The following DEPDC5 variants were observed in gnomAD, a reference collection of about 807,000 sequenced individuals.
DEPDC5 encodes the protein DEP domain containing 5, GATOR1 subcomplex subunit, also known as GATOR1 complex protein DEPDC5.
In DEPDC5, 73 loss-of-function variants were observed where a neutral mutation model predicts 217.3. That is an observed-to-expected ratio of 0.34 (90% CI 0.28 to 0.41). The LOEUF is 0.41. DEPDC5 is among the 10% of genes least tolerant of loss of function. DEPDC5 has a pLI of 1.00. For synonymous variants in DEPDC5, 733 were observed against 756.7 expected (o/e 0.97, Z 0.51); for missense variants, 1,675 against 2,070.1 (o/e 0.81, Z 3.70).
intron 18 of DEPDC5, among the ~76,000 whole-genome samples, chr22:31,807,701 G>A (rs2087723566): frequency 6.6e-6 from 1 of 152,172 alleles, no homozygotes; most frequent in African/African-American, 2.4e-5. Flanking sequence ...CAAAGTGCTG[G>A]GATTATAGGC....
intron 12 of DEPDC5, among the ~76,000 whole-genome samples, chr22:31,796,424 C>T (rs1232691208): frequency 6.6e-6 from 1 of 152,136 alleles, no homozygotes; most frequent in Non-Finnish European, 1.5e-5. Context: ...TTTATTTCTA[C>T]ATAGAAATTA....
At chr22:31,843,917 T>C (rs747070591) in intron 29 of DEPDC5, 105 bp downstream of exon 29, 45 of 1,280,148 alleles carry the variant, frequency 3.5e-5, no homozygotes, top group Non-Finnish European at 4.5e-5. Flanking sequence ...TTTTTCTTTT[T>C]TTTTTTCTTT....
In DEPDC5 at chr22:31,777,967, C is replaced by A. The variant is rs1453322053; in HGVS notation, c.414-132C>A. 4 of 929,868 alleles carry A rather than the reference C, an allele frequency of 4.3e-6. No homozygotes were observed. The African/African-American group carries it at 5.0e-5, about 12-fold the overall frequency. 57.6% of individuals were successfully genotyped at this position (929,868 alleles called of 1,614,324 possible). The stretch of plus-strand genomic sequence containing the variant: ...TTCACCATGTTGTCCAGGCTGGTCT[C>A]GAAGTCCTGACCTCAGGTAATTCGC... On this transcript the variant is annotated intron_variant, in intron 7 of 42. Transcript: ENST00000651528.
intron 14 of DEPDC5, among the ~76,000 whole-genome samples, chr22:31,800,295 C>T (rs2086734832): frequency 6.6e-6 from 1 of 152,130 alleles, no homozygotes; most frequent in African/African-American, 2.4e-5. Flanking sequence ...TCATTTTACC[C>T]AGCCCCTATT....
intron 29 of DEPDC5, among the ~76,000 whole-genome samples, chr22:31,844,415 G>T (rs2091593138): frequency 6.6e-6 from 1 of 152,038 alleles, no homozygotes. Context: ...ATAGGTTAAT[G>T]TGATAAATTT....
chr22:31,828,911 G>C (rs866834057), intron 24 of DEPDC5, among the ~76,000 whole-genome samples: 1 of 152,196 alleles, frequency 6.6e-6, no homozygotes, highest in Non-Finnish European at 1.5e-5. Context: ...GCCGTCTTGT[G>C]GGGGATTGAA....
chr22:31,887,236 CGAT>C (rs2093338275), intron 38 of DEPDC5, among the ~76,000 whole-genome samples: 1 of 151,582 alleles, frequency 6.6e-6, no homozygotes, highest in Non-Finnish European at 1.5e-5. Context: ...CTGGCCAACA[CGAT>C]GAATCCCTGT....
intron 30 of DEPDC5, among the ~76,000 whole-genome samples, chr22:31,846,350 G>A (rs2091736971): frequency 6.6e-6 from 1 of 151,972 alleles, no homozygotes; most frequent in Non-Finnish European, 1.5e-5. Context: ...CATCAGCCAT[G>A]TTTTTTTTGT....
intron 36 of DEPDC5, 109 bp downstream of exon 36, chr22:31,874,514 G>A (rs2092938139): frequency 4.3e-6 from 6 of 1,400,404 alleles, no homozygotes; most frequent in African/African-American, 2.9e-5. Flanking sequence ...AGGTTGGGGT[G>A]AGGATTTTTT....
chr22:31,805,058 A>G, intron 17 of DEPDC5, 143 bp downstream of exon 17: 1 of 745,018 alleles, frequency 1.3e-6, no homozygotes, highest in Non-Finnish European at 2.2e-6. Flanking sequence ...CATTTGCTCA[A>G]AGCTCTGTAC....
At position 31,897,468 on chromosome 22, in the gene DEPDC5, G is replaced by A. The variant is rs771204203; in HGVS notation, c.4204-14G>A. On this transcript the variant is annotated splice_polypyrimidine_tract_variant and intron_variant, in intron 39 of 42. Transcript: ENST00000651528. ...CTTGGAGATGATATTGTTTGTTTCT[G>A]TACTTTCCGCCAGGTCCAAGGTTGG... is the stretch of plus-strand genomic sequence containing the variant. 1.9e-6 allele frequency: 3 copies of A among 1,605,538 alleles called. No homozygotes were observed. The highest frequency in any genetic ancestry group is 1.7e-5 in the Admixed American group (1 of 58,766).
At chr22:31,834,674 G>A (rs1210667702) in intron 25 of DEPDC5, among the ~76,000 whole-genome samples, 2 of 151,854 alleles carry the variant, frequency 1.3e-5, no homozygotes, top group East Asian at 1.9e-4. Flanking sequence ...GCGCCACCAC[G>A]CCTGGCTAAT....
Position 31,778,028 on chromosome 22 carries a change from G to C in DEPDC5, c.414-71G>C. 3 of 1,539,378 alleles carry C rather than the reference G, an allele frequency of 1.9e-6. No individual in the cohort carries two copies. The South Asian group carries it at 3.4e-5, about 17-fold the overall frequency. ...TTCCCAAAGTGCTGGGATTACAGGC[G>C]TGAGCTATTGCACCAGGCATGTATT... is the stretch of plus-strand genomic sequence containing the variant. On this transcript the variant is annotated intron_variant, in intron 7 of 42. Transcript: ENST00000651528.
At chr22:31,855,328 T>A (rs114409244) in intron 31 of DEPDC5, among the ~76,000 whole-genome samples, 3,467 of 151,988 alleles carry the variant, frequency 0.023, 126 homozygotes, top group African/African-American at 0.074. Context: ...CTTTTAGAGA[T>A]ACTGAAATGT....
intron 31 of DEPDC5, among the ~76,000 whole-genome samples, chr22:31,848,972 G>A (rs2149053104): frequency 6.6e-6 from 1 of 152,242 alleles, no homozygotes; most frequent in Admixed American, 6.5e-5. Flanking sequence ...CTTTACTCCA[G>A]TTCCCAACAA....
chr22:31,804,732 G>A (rs531387149), intron 16 of DEPDC5, 110 bp from the exon 17 acceptor site: 6 of 1,055,132 alleles, frequency 5.7e-6, no homozygotes, highest in South Asian at 2.9e-5. Flanking sequence ...GACCCACAGC[G>A]CCCAGCCCTA....
At position 31,825,838 on chromosome 22, in the gene DEPDC5, G is replaced by C. The variant is rs368713718; in HGVS notation, c.2104+3048G>C. Among the ~76,000 whole-genome samples, 18 of 152,208 alleles carry C rather than the reference G, an allele frequency of 1.2e-4. 1 individual carries two copies. The East Asian group carries it at 2.1e-3, about 18-fold the overall frequency. ...CATCACCCAGCTCCTCCCTGTGGTT[G>C]TATCTTCACCTGCCTCCTCTTCCAC... On this transcript the variant is annotated intron_variant, in intron 24 of 42. Transcript: ENST00000651528.
intron 41 of DEPDC5, among the ~76,000 whole-genome samples, chr22:31,905,269 G>A (rs982880433): frequency 2.7e-5 from 4 of 149,634 alleles, no homozygotes; most frequent in African/African-American, 9.8e-5. Context: ...TGCAGCCTCC[G>A]CCTCCCGGAT....
Position 31,906,350 on chromosome 22 carries a change from C to A in DEPDC5, c.4665C>A (p.Thr1555=). 6.2e-7 allele frequency: 1 copy of A among 1,614,062 alleles called. No homozygotes were observed. Among genetic ancestry groups the A allele is most frequent in the Non-Finnish European group, 8.5e-7 (1 of 1,179,952 alleles). The stretch of plus-strand genomic sequence containing the variant: ...ACTGGGCCTACAACACCATGCTCAC[C>A]AAAACATGGCGCTCCAGCGCCACAG... ...GYNWAYNTML[T]KTWRSSATGD... Residue 1555 remains threonine (T), a synonymous_variant, in exon 43 of 43, where the codon ACC becomes ACA. Coordinates refer to ENST00000651528, the MANE Select transcript of DEPDC5 (RefSeq NM_001242896.3). This position sits in a 1 kb window ranked among gnomAD's most constrained non-coding sequence, Gnocchi z 5.1.
Sources: allele counts gnomAD v4.1 joint callset (sites outside exome capture counted in the v4.1 genomes callset), GRCh38; gene constraint gnomAD v4.1.1; non-coding constraint Gnocchi (gnomAD v3.1); transcripts MANE v1.5; gene names NCBI Gene and HGNC (gene_info 2026-07-23, HGNC 2026-07-21).